The following RAD54L variants were observed in gnomAD, a reference collection of about 807,000 sequenced individuals.
RAD54L encodes RAD54 like, also known as DNA repair and recombination protein RAD54-like.
Under a neutral mutation model 91.6 loss-of-function variants are expected in RAD54L, and 74 were observed. The ratio of observed to expected loss-of-function variants is 0.81; its 90% CI spans 0.67 to 0.98. RAD54L has a LOEUF of 0.98. RAD54L is among the 50% of genes least tolerant of loss of function. RAD54L has a pLI of 0.00. For synonymous variants in RAD54L, 304 were observed against 349.7 expected (o/e 0.87, Z 1.46); for missense variants, 887 against 945.7 (o/e 0.94, Z 0.81).
chr1:46,257,394 C>T (rs553927590), intron 3 of RAD54L, among the ~76,000 whole-genome samples: 59 of 152,134 alleles, frequency 3.9e-4, no homozygotes, highest in Non-Finnish European at 6.6e-4. Context: ...TTGGCTTCCA[C>T]CTCTGGTTTT....
chr1:46,248,855 C>A (rs553097987), intron 2 of RAD54L, among the ~76,000 whole-genome samples: 1 of 152,228 alleles, frequency 6.6e-6, no homozygotes, highest in African/African-American at 2.4e-5. Flanking sequence ...TTGGATTGGA[C>A]CTTTTGACTC....
chr1:46,260,033 A>G lies in RAD54L; in HGVS notation c.341A>G (p.Glu114Gly), dbSNP rs1341308242. Residue 114 changes from glutamate (E) to glycine (G), a missense_variant, in exon 5 of 18, where the codon GAA becomes GGA. Coordinates refer to ENST00000371975, the MANE Select transcript of RAD54L (RefSeq NM_003579.4). ...CGCCGGGCCCTCCATGACCCCCTGG[A>G]AAAAGATGCCTTGGTTCTGTATGAG... ...GVRRALHDPL[E>G]KDALVLYEPP... 3.7e-6 allele frequency: 6 copies of G among 1,614,138 alleles called. No individual in the cohort carries two copies. Among genetic ancestry groups the G allele is most frequent in the African/African-American group, 2.7e-5 (2 of 75,042 alleles).
At chr1:46,273,813 T>C (rs912628995) in intron 14 of RAD54L, 66 bp downstream of exon 14, 1 of 1,552,082 alleles carries the variant, frequency 6.4e-7, no homozygotes, top group Non-Finnish European at 8.7e-7. Context: ...TGTCTAGTTC[T>C]GATTTGTGGA....
In RAD54L at chr1:46,267,628, T is replaced by C. The variant is rs1223188190; in HGVS notation, c.1042+19T>C. 1 of 1,595,956 alleles carries C rather than the reference T, an allele frequency of 6.3e-7. No individual in the cohort carries two copies. Among genetic ancestry groups the C allele is most frequent in the Non-Finnish European group, 8.6e-7 (1 of 1,163,612 alleles). On this transcript the variant is annotated intron_variant, in intron 9 of 17. Coordinates refer to ENST00000371975, the MANE Select transcript of RAD54L (RefSeq NM_003579.4). ...ATCCTAGGTAAGAATCTAGCCTTGTTTGCCACATCAGAGAGGAGCCCTGCC... is the reference window on the plus strand; with the variant it reads ...ATCCTAGGTAAGAATCTAGCCTTGTCTGCCACATCAGAGAGGAGCCCTGCC...
At chr1:46,271,269 G>A (rs997973642) in intron 10 of RAD54L, among the ~76,000 whole-genome samples, 7 of 152,172 alleles carry the variant, frequency 4.6e-5, no homozygotes, top group African/African-American at 1.4e-4. Context: ...CCTTTGTCCA[G>A]AGGTGGTATG....
At position 46,278,118 on chromosome 1, in the gene RAD54L, C is replaced by T. The variant is rs140793609; in HGVS notation, c.2080C>T (p.Pro694Ser). ...CVNSRQIRPP[P>S]DGSDCTSDLA... ...CAACAGCCGTCAGATCCGGCCACCCCCTGATGGTTCTGACTGCACTTCAGA... is the reference window on the plus strand; with the variant it reads ...CAACAGCCGTCAGATCCGGCCACCCTCTGATGGTTCTGACTGCACTTCAGA... Residue 694 changes from proline to serine, a missense_variant, in exon 18 of 18, where the codon CCT (proline) becomes TCT (serine). Pro to Ser is a moderately conservative substitution (Grantham distance 74). Transcript: ENST00000371975. The T allele has an allele frequency of 6.0e-5, 97 of 1,613,984 alleles. No individual in the cohort carries two copies. Among genetic ancestry groups the T allele is most frequent in the Non-Finnish European group, 7.5e-5 (89 of 1,179,948 alleles).
At chr1:46,256,556 C>T (rs1317293963) in intron 3 of RAD54L, among the ~76,000 whole-genome samples, 5 of 151,138 alleles carry the variant, frequency 3.3e-5, no homozygotes, top group African/African-American at 1.2e-4. Flanking sequence ...ATCCCTTGAG[C>T]CAGGACTTAG....
chr1:46,253,513 C>G (rs187217492), intron 3 of RAD54L, among the ~76,000 whole-genome samples: 1 of 151,612 alleles, frequency 6.6e-6, no homozygotes, highest in African/African-American at 2.4e-5. Context: ...CCTAGCTACT[C>G]GAGAGGCTGA....
In RAD54L at chr1:46,277,391, G is replaced by T. The variant is rs1660642313; in HGVS notation, c.1870-426G>T. On this transcript the variant is annotated intron_variant, in intron 16 of 17. Coordinates refer to ENST00000371975, the MANE Select transcript of RAD54L (RefSeq NM_003579.4). ...CATTGTATCAACTGTTTAAATGTTT[G>T]TCTAGGAGCTAAAGGATAGGGGATA... 5 of 262,154 alleles carry T rather than the reference G, an allele frequency of 1.9e-5. No individual in the cohort carries two copies. In the South Asian group the frequency reaches 2.3e-4, roughly 12 times the overall value. 16.2% of individuals were successfully genotyped at this position (262,154 alleles called of 1,614,324 possible).
chr1:46,253,156 A>C (rs1473843273), intron 3 of RAD54L, among the ~76,000 whole-genome samples: 1 of 152,212 alleles, frequency 6.6e-6, no homozygotes, highest in Non-Finnish European at 1.5e-5. Context: ...TGCTACTAAC[A>C]CTGTTTAGTT....
Position 46,260,940 on chromosome 1 carries a change from G to A in RAD54L, c.691G>A (p.Gly231Arg), listed in dbSNP as rs564646289. 1.2e-6 allele frequency: 2 copies of A among 1,614,200 alleles called. No homozygotes were observed. Among genetic ancestry groups the A allele is most frequent in the East Asian group, 4.5e-5 (2 of 44,888 alleles). ...SLVKNWYNEV[G>R]KWLGGRIQPL... is the part of the protein sequence containing the mutation. ...GGTGAAGAACTGGTACAATGAGGTT[G>A]GGAAATGGCTCGGAGGGAGGATCCA... Residue 231 changes from glycine to arginine, a missense_variant, in exon 7 of 18, where the codon GGG (glycine) becomes AGG (arginine). By Grantham distance (125) the Gly-to-Arg change is moderately radical. Transcript: ENST00000371975.
In RAD54L at chr1:46,260,912, C is replaced by T. The variant is rs2148288493; in HGVS notation, c.663C>T (p.Ser221=). 6.2e-7 allele frequency: 1 copy of T among 1,614,194 alleles called. No individual in the cohort carries two copies. Among genetic ancestry groups the T allele is most frequent in the Non-Finnish European group, 8.5e-7 (1 of 1,180,030 alleles). The stretch of plus-strand genomic sequence containing the variant: ...AGGCAGTGGTGGTGTCGCCTTCCAG[C>T]CTGGTGAAGAACTGGTACAATGAGG... ...IDKAVVVSPS[S]LVKNWYNEVG... Residue 221 remains serine, a synonymous_variant, in exon 7 of 18, where the codon AGC becomes AGT. Transcript: ENST00000371975.
intron 3 of RAD54L, among the ~76,000 whole-genome samples, chr1:46,253,019 C>T (rs1659842555): frequency 6.6e-6 from 1 of 152,058 alleles, no homozygotes; most frequent in South Asian, 2.1e-4. Flanking sequence ...GTGCAGTGAC[C>T]CGTGATACTG....
intron 8 of RAD54L, among the ~76,000 whole-genome samples, chr1:46,262,330 C>T (rs940840615): frequency 6.6e-6 from 1 of 152,026 alleles, no homozygotes; most frequent in Non-Finnish European, 1.5e-5. Flanking sequence ...TCTCTTGAAC[C>T]CGGGAGGTGG....
At chr1:46,260,407 T>A in intron 5 of RAD54L, 135 bp from the exon 6 acceptor site, 2 of 997,854 alleles carry the variant, frequency 2.0e-6, no homozygotes, top group South Asian at 2.6e-5. Context: ...TGCTATGGTT[T>A]TACGATTTAT....
At chr1:46,249,765 C>G (rs1443029328) in intron 2 of RAD54L, among the ~76,000 whole-genome samples, 1 of 152,188 alleles carries the variant, frequency 6.6e-6, no homozygotes, top group Non-Finnish European at 1.5e-5. Flanking sequence ...TTACCTCTTC[C>G]ATTGCCCCGC....
At position 46,265,355 on chromosome 1, in the gene RAD54L, T is replaced by C. The variant is rs1029708670; in HGVS notation, c.892-2104T>C. Among the ~76,000 whole-genome samples the C allele has an allele frequency of 1.3e-5, 2 of 150,760 alleles. No homozygotes were observed. The highest frequency in any genetic ancestry group is 4.9e-5 in the African/African-American group (2 of 41,080). ...AAAGTTAGCCCGGCATAGTAACACA[T>C]GCCTGTAATACCAGCAACTCAGGAA... On this transcript the variant is annotated intron_variant, in intron 8 of 17. Transcript: ENST00000371975. The surrounding 1 kb of genome is among the most constrained non-coding windows in gnomAD (Gnocchi z 4.8).
rs112347912 is a variant in RAD54L, at chr1:46,260,648, G to T, written c.477+37G>T. On this transcript the variant is annotated intron_variant, in intron 6 of 17. Transcript: ENST00000371975. Reference sequence around the variant, plus strand: ...TGAGGGGAACGAGGTATGGGCTATGGGCTGAGCCTGGGAGACTACCATCCC... The same window carrying T: ...TGAGGGGAACGAGGTATGGGCTATGTGCTGAGCCTGGGAGACTACCATCCC... 2.5e-6 allele frequency: 4 copies of T among 1,613,712 alleles called. No homozygotes were observed. Among genetic ancestry groups the T allele is most frequent in the African/African-American group, 2.7e-5 (2 of 75,024 alleles).
chr1:46,273,507 G>A (rs1339683329), intron 13 of RAD54L, 42 bp downstream of exon 13: 2 of 1,610,768 alleles, frequency 1.2e-6, no homozygotes, highest in Admixed American at 1.7e-5. Context: ...TCTAGGAGGA[G>A]GGTGGGAGAT....
Sources: gnomAD v4.1 joint callset for allele counts (sites outside exome capture counted in the v4.1 genomes callset) on GRCh38, gnomAD v4.1.1 for gene constraint, Gnocchi (gnomAD v3.1) non-coding constraint, MANE v1.5 for transcripts, NCBI Gene and HGNC (gene_info 2026-07-23, HGNC 2026-07-21) for gene names.